FOXP2: variants seen among roughly 807,000 people sequenced by gnomAD.
FOXP2 encodes forkhead box protein P2.
In FOXP2, 12 loss-of-function variants were observed where a neutral mutation model predicts 115.8. The ratio of observed to expected loss-of-function variants is 0.10; its 90% CI spans 0.07 to 0.17. The LOEUF is 0.17. FOXP2 is among the 10% of genes least tolerant of loss of function. The probability of loss-of-function intolerance (pLI) is 1.00; values close to 1 mark genes in which losing one functional copy is unlikely to be tolerated. For synonymous variants in FOXP2, 328 were observed against 297.7 expected (o/e 1.10, Z -1.05); for missense variants, 629 against 843.5 (o/e 0.75, Z 3.15).
At chr7:114,385,049 C>A (rs1022801481) in intron 2 of FOXP2, among the ~76,000 whole-genome samples, 6 of 151,580 alleles carry the variant, frequency 4.0e-5, no homozygotes, top group African/African-American at 9.7e-5. Context: ...TCTCTCCCCC[C>A]CTCTCTCTCT....
At chr7:114,132,710 G>C (rs1176334975) in intron 1 of FOXP2, among the ~76,000 whole-genome samples, 1 of 151,802 alleles carries the variant, frequency 6.6e-6, no homozygotes, top group Non-Finnish European at 1.5e-5. Flanking sequence ...TGAAGGAAAG[G>C]AAAGTAAGCT....
At chr7:114,652,357 G>A in intron 9 of FOXP2, 67 bp downstream of exon 9, 1 of 1,415,030 alleles carries the variant, frequency 7.1e-7, no homozygotes, top group East Asian at 2.4e-5. Flanking sequence ...GTACTGAGCA[G>A]ATTCTGGGTC....
At chr7:114,478,076 G>A (rs1796366642) in intron 2 of FOXP2, among the ~76,000 whole-genome samples, 1 of 151,752 alleles carries the variant, frequency 6.6e-6, no homozygotes, top group Non-Finnish European at 1.5e-5. Flanking sequence ...GCTGACCTCA[G>A]GAAGAAAATG....
Position 114,226,561 on chromosome 7 carries a change from G to GT in FOXP2, c.-101-61455dup, listed in dbSNP as rs529040227. 4.3e-4 allele frequency among the ~76,000 whole-genome samples: 66 copies of GT among 152,192 alleles called. No individual in the cohort carries two copies. The East Asian group carries it at 9.5e-3, about 22-fold the overall frequency. ...ATTTTAACATGCTATAGCAAGAAGA[G>GT]TTTGCTCTTAGAATTTTCTTTGTTT... On this transcript the variant is annotated intron_variant, in intron 1 of 17. Transcript: ENST00000634411.
intron 2 of FOXP2, among the ~76,000 whole-genome samples, chr7:114,383,350 C>A (rs537386207): frequency 6.6e-6 from 1 of 152,240 alleles, no homozygotes; most frequent in Admixed American, 6.5e-5. Flanking sequence ...AATCAGGGAA[C>A]ATTGGCACTC....
intron 3 of FOXP2, among the ~76,000 whole-genome samples, chr7:114,602,597 C>T (rs1031859450): frequency 7.9e-5 from 12 of 151,806 alleles, no homozygotes; most frequent in Non-Finnish European, 1.3e-4. Flanking sequence ...TATCTGTATT[C>T]CAGTGAAAAA....
chr7:114,590,255 C>G (rs1486033088), intron 3 of FOXP2, among the ~76,000 whole-genome samples: 3 of 152,188 alleles, frequency 2.0e-5, no homozygotes, highest in East Asian at 3.9e-4. Context: ...TTTTCCTTCT[C>G]TAGTATTAAA....
intron 2 of FOXP2, among the ~76,000 whole-genome samples, chr7:114,512,160 C>G (rs1175079739): frequency 6.6e-6 from 1 of 152,100 alleles, no homozygotes; most frequent in African/African-American, 2.4e-5. Context: ...CTTGCAACAG[C>G]CTTTTCCAAT....
intron 2 of FOXP2, among the ~76,000 whole-genome samples, chr7:114,343,216 C>A (rs985507629): frequency 6.6e-6 from 1 of 151,620 alleles, no homozygotes; most frequent in African/African-American, 2.4e-5. Context: ...CTCCCTACAT[C>A]TTCTACATCT....
chr7:114,634,325 A>G (rs1473376744), intron 6 of FOXP2, among the ~76,000 whole-genome samples: 2 of 152,082 alleles, frequency 1.3e-5, no homozygotes, highest in Admixed American at 1.3e-4. Context: ...ATTTGTCCCT[A>G]TAATTTAACA....
intron 1 of FOXP2, among the ~76,000 whole-genome samples, chr7:114,149,747 A>G (rs1792480850): frequency 6.6e-6 from 1 of 152,102 alleles, no homozygotes; most frequent in Non-Finnish European, 1.5e-5. Flanking sequence ...ATGTGTTAAA[A>G]TAAGTAAAAA....
chr7:114,618,360 C>A (rs186967053), intron 3 of FOXP2, among the ~76,000 whole-genome samples: 1 of 152,086 alleles, frequency 6.6e-6, no homozygotes, highest in Non-Finnish European at 1.5e-5. Context: ...CTAGTACAGA[C>A]TAAATCAGAA....
chr7:114,566,328 T>G (rs1011017712), intron 3 of FOXP2, among the ~76,000 whole-genome samples: 2 of 152,140 alleles, frequency 1.3e-5, no homozygotes, highest in African/African-American at 4.8e-5. Context: ...AATCTCATGT[T>G]GAAATTTGAC....
intron 3 of FOXP2, among the ~76,000 whole-genome samples, chr7:114,544,409 T>C (rs1240564175): frequency 6.6e-6 from 1 of 152,220 alleles, no homozygotes; most frequent in African/African-American, 2.4e-5. Context: ...TTGTGCCTAT[T>C]TTTACAGTTT....
At chr7:114,559,185 A>G (rs1035206595) in intron 3 of FOXP2, among the ~76,000 whole-genome samples, 12 of 152,172 alleles carry the variant, frequency 7.9e-5, no homozygotes, top group Non-Finnish European at 1.6e-4. Context: ...TATAATAACT[A>G]TATCACTTAC....
intron 1 of FOXP2, among the ~76,000 whole-genome samples, chr7:114,281,601 CTTAT>C (rs1449236498): frequency 6.6e-6 from 1 of 151,980 alleles, no homozygotes; most frequent in African/African-American, 2.4e-5. Context: ...TACTAGCCTG[CTTAT>C]TGATTAATTT....
chr7:114,659,478 T>A, intron 12 of FOXP2, 46 bp downstream of exon 12: 1 of 1,591,058 alleles, frequency 6.3e-7, no homozygotes, highest in Non-Finnish European at 8.6e-7. Context: ...TTAAAATTCA[T>A]TAATGCTTAA....
At chr7:114,543,438 TG>T (rs1799776859) in intron 3 of FOXP2, among the ~76,000 whole-genome samples, 1 of 152,220 alleles carries the variant, frequency 6.6e-6, no homozygotes, top group South Asian at 2.1e-4. Context: ...ATACTGTCCT[TG>T]GTTTGAACCA....
chr7:114,237,866 C>T (rs1795053206), intron 1 of FOXP2, among the ~76,000 whole-genome samples: 2 of 151,664 alleles, frequency 1.3e-5, no homozygotes, highest in Admixed American at 1.3e-4. Flanking sequence ...TGCAAGCTGC[C>T]CCAGAGACTG....
Sources: gnomAD v4.1 joint callset for allele counts (sites outside exome capture counted in the v4.1 genomes callset) on GRCh38, gnomAD v4.1.1 for gene constraint, MANE v1.5 for transcripts, NCBI Gene and HGNC (gene_info 2026-07-23, HGNC 2026-07-21) for gene names.